Variants in MACROD2 observed in about 807,000 individuals in gnomAD.
The protein encoded by MACROD2 is ADP-ribose glycohydrolase MACROD2.
In MACROD2, 36 loss-of-function variants were observed where a neutral mutation model predicts 70.4. That is an observed-to-expected ratio of 0.51 (90% confidence interval 0.39 to 0.68). The LOEUF is 0.68. MACROD2 is among the 30% of genes least tolerant of loss of function. The pLI, the probability that MACROD2 is intolerant of heterozygous loss-of-function variation, is 0.00. For synonymous variants in MACROD2, 172 were observed against 178.8 expected (o/e 0.96, Z 0.30); for missense variants, 496 against 538.4 (o/e 0.92, Z 0.78).
chr20:15,617,685 C>T (rs916924521), intron 8 of MACROD2, among the ~76,000 whole-genome samples: 14 of 152,184 alleles, frequency 9.2e-5, no homozygotes, highest in Non-Finnish European at 1.5e-4. Flanking sequence ...ATATCAACTA[C>T]GTGCCAGGCA....
chr20:14,277,765 G>A (rs1259556634), intron 3 of MACROD2, among the ~76,000 whole-genome samples: 1 of 152,160 alleles, frequency 6.6e-6, no homozygotes, highest in Non-Finnish European at 1.5e-5. Flanking sequence ...TTAATCCGAG[G>A]TGTGGGAGGA....
intron 3 of MACROD2, among the ~76,000 whole-genome samples, chr20:14,126,817 TG>T (rs2054657009): frequency 6.6e-6 from 1 of 152,154 alleles, no homozygotes; most frequent in African/African-American, 2.4e-5. Flanking sequence ...TAGAAGACAG[TG>T]AACTTAATCT....
Position 14,824,851 on chromosome 20 carries a change from A to G in MACROD2, c.418+139892A>G, listed in dbSNP as rs191677144. Among the ~76,000 whole-genome samples the G allele has an allele frequency of 1.1e-4, 17 of 152,216 alleles. No individual in the cohort carries two copies. The East Asian group carries it at 3.3e-3, about 29-fold the overall frequency. On this transcript the variant is annotated intron_variant, in intron 5 of 17. Coordinates refer to ENST00000684519, the MANE Select transcript of MACROD2 (RefSeq NM_001351661.2). Reference sequence around the variant, plus strand: ...ATTTAAGTTCTCAGGCAGAAAAAATAGTGTTTATTGAGGTACTACCATGTG... The same window carrying G: ...ATTTAAGTTCTCAGGCAGAAAAAATGGTGTTTATTGAGGTACTACCATGTG...
chr20:15,021,261 CCTGT>C (rs200159294), intron 5 of MACROD2, among the ~76,000 whole-genome samples: 9,447 of 27,936 alleles, frequency 0.34, 1,820 homozygotes, highest in South Asian at 0.53. Flanking sequence ...TATACACACA[CCTGT>C]GTGTGTGTAT....
At chr20:15,590,522 T>G (rs6514583) in intron 8 of MACROD2, among the ~76,000 whole-genome samples, 16,188 of 152,184 alleles carry the variant, frequency 0.11, 1,798 homozygotes, top group African/African-American at 0.28. Flanking sequence ...TTCATTTGAG[T>G]CTTTCTTTTC....
At chr20:14,225,373 T>A (rs2081722779) in intron 3 of MACROD2, among the ~76,000 whole-genome samples, 1 of 152,242 alleles carries the variant, frequency 6.6e-6, no homozygotes, top group African/African-American at 2.4e-5. Flanking sequence ...TAAAATCTGA[T>A]TCATCTAATA....
At chr20:15,156,541 C>A (rs463251) in intron 5 of MACROD2, among the ~76,000 whole-genome samples, 1 of 151,892 alleles carries the variant, frequency 6.6e-6, no homozygotes, top group African/African-American at 2.4e-5. Context: ...CTGATAAAAC[C>A]TGTAGTGCTT....
chr20:14,932,794 C>A (rs2074307501), intron 5 of MACROD2, among the ~76,000 whole-genome samples: 1 of 152,060 alleles, frequency 6.6e-6, no homozygotes, highest in South Asian at 2.1e-4. Flanking sequence ...TCTCAAACTC[C>A]TGACCTCCTG....
At chr20:15,730,550 G>A (rs6043495) in intron 8 of MACROD2, among the ~76,000 whole-genome samples, 10,035 of 152,164 alleles carry the variant, frequency 0.066, 519 homozygotes, top group African/African-American at 0.14. Flanking sequence ...CTGATGAAAG[G>A]TCCACTGTTA....
chr20:16,016,659 C>T (rs984177564), intron 15 of MACROD2, among the ~76,000 whole-genome samples: 1 of 152,164 alleles, frequency 6.6e-6, no homozygotes, highest in Non-Finnish European at 1.5e-5. Context: ...CCTCAGCCTC[C>T]CGAGTAGCTG....
chr20:15,979,755 G>C (rs6043650), intron 13 of MACROD2, among the ~76,000 whole-genome samples: 28,074 of 152,002 alleles, frequency 0.18, 2,715 homozygotes, highest in Admixed American at 0.22. Flanking sequence ...AGAAGCCAAG[G>C]GGTGTGGAAG....
chr20:15,960,870 A>T lies in MACROD2; in HGVS notation c.908-6683A>T, dbSNP rs2066050484. Among the ~76,000 whole-genome samples the T allele has an allele frequency of 1.3e-5, 2 of 152,170 alleles. 1 individual carries two copies. The highest frequency in any genetic ancestry group is 4.1e-4 in the South Asian group (2 of 4,828). ...GTGGGGCACGTTGGCTACAAGGCTT[A>T]GCTTGCATGGGCTGTTTTTGTTCTC... On this transcript the variant is annotated intron_variant, in intron 12 of 17. Coordinates refer to ENST00000684519, the MANE Select transcript of MACROD2 (RefSeq NM_001351661.2).
intron 8 of MACROD2, among the ~76,000 whole-genome samples, chr20:15,556,230 C>G (rs925770009): frequency 1.3e-5 from 2 of 152,162 alleles, no homozygotes; most frequent in Admixed American, 6.5e-5. Flanking sequence ...GGGATTAAAC[C>G]TTCTGGCTTC....
Position 14,426,649 on chromosome 20 carries a change from T to G in MACROD2, c.272-66830T>G, listed in dbSNP as rs1044264883. On this transcript the variant is annotated intron_variant, in intron 3 of 17. Coordinates refer to ENST00000684519, the MANE Select transcript of MACROD2 (RefSeq NM_001351661.2). ...GATCCATTTGGGCTATTTAGTTAGG[T>G]AAACTTCAGAGTTATCATCTCCATA... 3.3e-5 allele frequency among the ~76,000 whole-genome samples: 5 copies of G among 152,148 alleles called. 1 individual carries two copies. Among genetic ancestry groups the G allele is most frequent in the African/African-American group, 1.2e-4 (5 of 41,456 alleles).
chr20:14,436,473 C>G (rs6079443), intron 3 of MACROD2, among the ~76,000 whole-genome samples: 1 of 152,204 alleles, frequency 6.6e-6, no homozygotes, highest in East Asian at 1.9e-4. Flanking sequence ...GATTTTGTTA[C>G]TCTTACTAAC....
chr20:14,067,277 C>G (rs1158012768), intron 2 of MACROD2, among the ~76,000 whole-genome samples: 2 of 151,836 alleles, frequency 1.3e-5, no homozygotes, highest in Middle Eastern at 6.8e-3. Context: ...GTGTGCGTCA[C>G]CATGCCCAGG....
intron 8 of MACROD2, among the ~76,000 whole-genome samples, chr20:15,682,092 T>C (rs1163093735): frequency 6.6e-6 from 1 of 152,186 alleles, no homozygotes; most frequent in Non-Finnish European, 1.5e-5. Flanking sequence ...TTTCATAACA[T>C]GTAGCCACCT....
At chr20:14,112,357 AAG>A (rs1237953812) in intron 3 of MACROD2, among the ~76,000 whole-genome samples, 6 of 152,030 alleles carry the variant, frequency 3.9e-5, no homozygotes, top group Non-Finnish European at 8.8e-5. Flanking sequence ...TAAAATAACT[AAG>A]AGTATAATTT....
intron 3 of MACROD2, among the ~76,000 whole-genome samples, chr20:14,490,790 T>G (rs2084785218): frequency 6.6e-6 from 1 of 152,160 alleles, no homozygotes. Flanking sequence ...CAAATAAGCT[T>G]TAAGAGTTTC....
Sources: allele counts gnomAD v4.1 joint callset (sites outside exome capture counted in the v4.1 genomes callset), GRCh38; gene constraint gnomAD v4.1.1; transcripts MANE v1.5; gene names NCBI Gene and HGNC (gene_info 2026-07-23, HGNC 2026-07-21).